DNAH9: variants seen among roughly 807,000 people sequenced by gnomAD.
DNAH9 encodes the protein DNAH9 variant protein.
DNAH9 carries 345 observed loss-of-function variants against 471.6 expected under a neutral mutation model. The ratio of observed to expected loss-of-function variants is 0.73; its 90% CI spans 0.67 to 0.80. The LOEUF is 0.80. Ranked by LOEUF, DNAH9 falls within the 30% of genes least tolerant of loss-of-function variation. The probability of loss-of-function intolerance (pLI) is 0.00; values close to 1 mark genes in which losing one functional copy is unlikely to be tolerated. For synonymous variants in DNAH9, 2,093 were observed against 2,123.6 expected, an observed-to-expected ratio of 0.99 and a Z score of 0.40; for missense variants, 5,407 against 5,609.2, an observed-to-expected ratio of 0.96 and a Z score of 1.15.
At chr17:11,805,457 T>C (rs140677151) in intron 43 of DNAH9, among the ~76,000 whole-genome samples, 14 of 149,426 alleles carry the variant, frequency 9.4e-5, no homozygotes, top group African/African-American at 3.2e-4. Context: ...GAGCACAGGA[T>C]TGTAGCCCAT....
At chr17:11,744,415 C>G (rs571291356) in intron 30 of DNAH9, among the ~76,000 whole-genome samples, 1 of 152,160 alleles carries the variant, frequency 6.6e-6, no homozygotes. Flanking sequence ...GTGAAGGCCT[C>G]CAAGGTGGCA....
rs1567725758 is a variant in DNAH9 at position 11,694,837 on chromosome 17, TTTCCTTCCTTCC to T, written c.4872+414_4872+425del. 8.6e-4 allele frequency among the ~76,000 whole-genome samples: 2 copies of T among 2,336 alleles called. 1 individual carries two copies. The highest frequency in any genetic ancestry group is 1.8e-3 in the African/African-American group (2 of 1,118). 1.5% of individuals were successfully genotyped at this position (2,336 alleles called of 152,430 possible). On this transcript the variant is annotated intron_variant, in intron 22 of 68. Transcript: ENST00000262442. Reference sequence around the variant, plus strand: ...CTTTCTTTCTTTCTTTCTTTCTTTCTTTCCTTCCTTCCTTCCTTCCTTCCTTCCTTCCTTCTT... The same window carrying T: ...CTTTCTTTCTTTCTTTCTTTCTTTCTTTCCTTCCTTCCTTCCTTCCTTCTT...
rs1054438966 is a variant in DNAH9 at position 11,893,152 on chromosome 17, C to T, written c.11283+1205C>T. 2.9e-5 allele frequency among the ~76,000 whole-genome samples: 4 copies of T among 139,372 alleles called. No homozygotes were observed. The East Asian group carries it at 8.5e-4, about 30-fold the overall frequency. The allele number at this position is 139,372 out of a possible 152,430, so 91.4% of individuals were successfully genotyped here. ...CTCTCACCCCCTATATTCCCCACTC[C>T]AGCCCAGATGACAGCTTGGCCTTTG... On this transcript the variant is annotated intron_variant, in intron 58 of 68. Transcript: ENST00000262442.
rs1177684817 is a variant in DNAH9 at position 11,752,954 on chromosome 17, T to C, written c.6732T>C (p.Asp2244=). The C allele has an allele frequency of 1.9e-6, 3 of 1,585,660 alleles. No homozygotes were observed. Among genetic ancestry groups the C allele is most frequent in the Non-Finnish European group, 2.6e-6 (3 of 1,166,494 alleles). The part of the protein sequence containing the change: ...WIESLNTVMD[D]NKVLTLASNE... ...AATCCCTGAATACTGTCATGGATGA[T>C]AACAAGGTATGAAATTGGGGGATAT... is the stretch of plus-strand genomic sequence containing the variant. The change falls in exon 33 of 69, where the codon GAT becomes GAC. Residue 2244 remains aspartate (D), a synonymous_variant. Transcript: ENST00000262442.
chr17:11,712,984 C>T (rs1456199976), intron 26 of DNAH9, among the ~76,000 whole-genome samples: 1 of 151,754 alleles, frequency 6.6e-6, no homozygotes, highest in Non-Finnish European at 1.5e-5. Flanking sequence ...GTTCGTGGTA[C>T]AGATTATTTC....
chr17:11,934,147 C>A, intron 65 of DNAH9, 76 bp downstream of exon 65: 1 of 1,486,492 alleles, frequency 6.7e-7, no homozygotes, highest in South Asian at 1.3e-5. Flanking sequence ...CGCCGACCTG[C>A]ACCACCAGGG....
chr17:11,849,891 A>T (rs984051467), intron 49 of DNAH9, among the ~76,000 whole-genome samples: 4 of 152,116 alleles, frequency 2.6e-5, no homozygotes, highest in African/African-American at 4.8e-5. Context: ...TCCAATGATG[A>T]CTGCACACAT....
intron 59 of DNAH9, among the ~76,000 whole-genome samples, chr17:11,895,898 G>A (rs757275356): frequency 6.6e-6 from 1 of 152,208 alleles, no homozygotes; most frequent in Non-Finnish European, 1.5e-5. Context: ...TATACTTGCC[G>A]TCCCCTTCAA....
rs574459442 is a variant in DNAH9 at position 11,668,976 on chromosome 17, C to T, written c.2732-88C>T. ...GTCTAGCAGCCTATCTAAAGAAAAG[C>T]ATTGCTCTGGGTGCTTTTAAAACAG... is the stretch of plus-strand genomic sequence containing the variant. On this transcript the variant is annotated intron_variant, in intron 15 of 68. Coordinates refer to ENST00000262442, the MANE Select transcript of DNAH9 (RefSeq NM_001372.4). 10 of 918,572 alleles carry T rather than the reference C, an allele frequency of 1.1e-5. No individual in the cohort carries two copies. In the African/African-American group the frequency reaches 1.7e-4, roughly 15 times the overall value. The allele number at this position is 918,572 out of a possible 1,614,324, so 56.9% of individuals were successfully genotyped here.
intron 17 of DNAH9, among the ~76,000 whole-genome samples, chr17:11,671,928 A>G (rs533618510): frequency 1.3e-5 from 2 of 152,262 alleles, no homozygotes; most frequent in Non-Finnish European, 2.9e-5. Flanking sequence ...AGACAGCCCA[A>G]CTGGATTCTT....
intron 66 of DNAH9, among the ~76,000 whole-genome samples, chr17:11,940,528 T>G (rs1380384796): frequency 6.6e-6 from 1 of 152,218 alleles, no homozygotes; most frequent in African/African-American, 2.4e-5. Context: ...CAGGTACCAT[T>G]AAAATCCGAT....
Position 11,669,734 on chromosome 17 carries a change from ATAT to A in DNAH9, c.3299_3301del (p.Ile1100del). On this transcript the variant is annotated inframe_deletion, in exon 17 of 69. Coordinates refer to ENST00000262442, the MANE Select transcript of DNAH9 (RefSeq NM_001372.4). ...CGACCCTTTAAGGCATCTCTGCTGAATATTATTAAGAGGTGGAGCCTCCTGTTC... is the reference window on the plus strand; with the variant it reads ...CGACCCTTTAAGGCATCTCTGCTGAATATTAAGAGGTGGAGCCTCCTGTTC... The A allele has an allele frequency of 6.2e-7, 1 of 1,614,150 alleles. No homozygotes were observed. Among genetic ancestry groups the A allele is most frequent in the Non-Finnish European group, 8.5e-7 (1 of 1,180,006 alleles).
chr17:11,932,147 C>T lies in DNAH9; in HGVS notation c.12239C>T (p.Thr4080Ile). Residue 4080 changes from threonine (T) to isoleucine (I), a missense_variant, in exon 64 of 69, where the codon ACT (threonine) becomes ATT (isoleucine). Coordinates refer to ENST00000262442, the MANE Select transcript of DNAH9 (RefSeq NM_001372.4). The surrounding 1 kb of genome is among the most constrained non-coding windows in gnomAD (Gnocchi z 4.3). ...QGWNRSYPFN[T>I]GDLTISVNVL... is the part of the protein sequence containing the mutation. ...TGGAATCGCTCATACCCCTTTAACA[C>T]TGGAGACCTCACTATCTCTGTGAAT... 1 of 1,614,156 alleles carries T rather than the reference C, an allele frequency of 6.2e-7. No homozygotes were observed. Among genetic ancestry groups the T allele is most frequent in the Non-Finnish European group, 8.5e-7 (1 of 1,180,038 alleles).
intron 27 of DNAH9, among the ~76,000 whole-genome samples, chr17:11,722,289 T>C (rs1311833741): frequency 6.6e-6 from 1 of 152,156 alleles, no homozygotes; most frequent in African/African-American, 2.4e-5. Context: ...TGAAAGCCAC[T>C]GAAAGCATCT....
rs530394149 is a variant in DNAH9, at chr17:11,760,064, C to T, written c.6995+2372C>T. Among the ~76,000 whole-genome samples, 269 of 152,190 alleles carry T rather than the reference C, an allele frequency of 1.8e-3. 1 individual carries two copies. The highest frequency in any genetic ancestry group is 2.8e-3 in the Non-Finnish European group (190 of 68,000). On this transcript the variant is annotated intron_variant, in intron 35 of 68. Transcript: ENST00000262442. ...CTCAAACTCCTGACCTCAGGTGATC[C>T]GCCTGCCTCAGTATCCCAAAGTGCT...
intron 37 of DNAH9, among the ~76,000 whole-genome samples, chr17:11,768,906 A>G (rs1968082959): frequency 1.3e-5 from 2 of 152,110 alleles, no homozygotes; most frequent in Middle Eastern, 3.4e-3. Context: ...GGTAGAGGAG[A>G]GCGGGGAAGC....
At chr17:11,866,683 C>T (rs546623580) in intron 50 of DNAH9, among the ~76,000 whole-genome samples, 1 of 152,240 alleles carries the variant, frequency 6.6e-6, no homozygotes, top group South Asian at 2.1e-4. Context: ...CCAGTTGGAG[C>T]TTTCCAGCTG....
At chr17:11,650,179 G>A (rs2073476546) in intron 12 of DNAH9, among the ~76,000 whole-genome samples, 1 of 152,092 alleles carries the variant, frequency 6.6e-6, no homozygotes, top group Non-Finnish European at 1.5e-5. Context: ...GCTGAGTAGG[G>A]TTTGCCCACT....
At chr17:11,886,506 CTTT>C (rs55645155) in intron 56 of DNAH9, among the ~76,000 whole-genome samples, 10 of 127,236 alleles carry the variant, frequency 7.9e-5, no homozygotes, top group Admixed American at 2.4e-4. Context: ...TTGAGTCATA[CTTT>C]TTTTTTTTTT....
Sources: allele counts gnomAD v4.1 joint callset (sites outside exome capture counted in the v4.1 genomes callset), GRCh38; gene constraint gnomAD v4.1.1; non-coding constraint Gnocchi (gnomAD v3.1); transcripts MANE v1.5; gene names NCBI Gene and HGNC (gene_info 2026-07-23, HGNC 2026-07-21).